The following SERPIND1 variants were observed in gnomAD, a reference collection of about 807,000 sequenced individuals.
SERPIND1 encodes heparin cofactor 2.
Under a neutral mutation model 35.0 loss-of-function variants are expected in SERPIND1, and 34 were observed. The ratio of observed to expected loss-of-function variants is 0.97; its 90% confidence interval spans 0.74 to 1.29. The LOEUF (loss-of-function observed/expected upper bound fraction) is 1.29. Ranked by LOEUF, SERPIND1 falls within the 50% of genes most tolerant of loss-of-function variation. The pLI is 0.00. For synonymous variants in SERPIND1, 236 were observed against 241.1 expected, an observed-to-expected ratio of 0.98 and a Z score of 0.19; for missense variants, 633 against 637.7, an observed-to-expected ratio of 0.99 and a Z score of 0.08.
intron 4 of SERPIND1, 37 bp from the exon 5 acceptor site, chr22:20,786,838 T>C (rs745529379): frequency 1.2e-6 from 2 of 1,605,260 alleles, no homozygotes; most frequent in African/African-American, 2.7e-5. Flanking sequence ...CTCTGTGTGC[T>C]GACCTCCAGA....
intron 4 of SERPIND1, 89 bp downstream of exon 4, chr22:20,786,237 A>T: frequency 7.1e-7 from 1 of 1,411,306 alleles, no homozygotes; most frequent in Non-Finnish European, 1.0e-6. Flanking sequence ...CCCACCCCCC[A>T]ATCTCATGTC....
chr22:20,780,804 T>G (rs2147488406), intron 2 of SERPIND1, among the ~76,000 whole-genome samples: 1 of 104,856 alleles, frequency 9.5e-6, no homozygotes, highest in Non-Finnish European at 2.0e-5. Context: ...AGTAAAACGA[T>G]GCTCCAAGGG....
rs777742664 is a variant in SERPIND1 at position 20,784,072 on chromosome 22, G to A, written c.990G>A (p.Gly330=). The A allele has an allele frequency of 1.2e-6, 2 of 1,614,150 alleles. No homozygotes were observed. The highest frequency in any genetic ancestry group is 1.7e-6 in the Non-Finnish European group (2 of 1,180,036). The change falls in exon 3 of 5, where the codon GGG becomes GGA. Residue 330 remains glycine, a synonymous_variant. Transcript: ENST00000215727. ...VVKVSMMQTK[G]NFLAANDQEL... ...AGGTTTCCATGATGCAGACCAAGGG[G>A]AACTTCCTCGCAGCAAATGACCAGG...
At chr22:20,782,160 C>G (rs911735653) in intron 2 of SERPIND1, among the ~76,000 whole-genome samples, 3 of 152,162 alleles carry the variant, frequency 2.0e-5, no homozygotes, top group Non-Finnish European at 4.4e-5. Context: ...TTGGAGCCCC[C>G]CAAGTACACC....
In SERPIND1 at chr22:20,779,764, T is replaced by C; in HGVS notation, c.452T>C (p.Ile151Thr). Reference sequence around the variant, plus strand: ...GACCAGGTCAACACTTTCGATAACATCTTCATAGCACCCGTTGGCATTTCT... The same window carrying C: ...GACCAGGTCAACACTTTCGATAACACCTTCATAGCACCCGTTGGCATTTCT... ...LKDQVNTFDN[I>T]FIAPVGISTA... The change falls in exon 2 of 5, where the codon ATC becomes ACC. Residue 151 changes from isoleucine (I) to threonine (T), a missense_variant. Transcript: ENST00000215727. 6.2e-7 allele frequency: 1 copy of C among 1,614,178 alleles called. No homozygotes were observed. Among genetic ancestry groups the C allele is most frequent in the Non-Finnish European group, 8.5e-7 (1 of 1,180,030 alleles).
In SERPIND1 at chr22:20,780,166, C is replaced by T. The variant is rs1247785389; in HGVS notation, c.854C>T (p.Thr285Ile). 6.2e-7 allele frequency: 1 copy of T among 1,614,108 alleles called. No individual in the cohort carries two copies. The highest frequency in any genetic ancestry group is 8.5e-7 in the Non-Finnish European group (1 of 1,180,044). The change falls in exon 2 of 5, where the codon ACC becomes ATC. Residue 285 changes from threonine to isoleucine, a missense_variant. Transcript: ENST00000215727. ...GCTCTGGAGAATATAGACCCTGCTA[C>T]CCAGATGATGATTCTCAACTGCATC... ...KDALENIDPA[T>I]QMMILNCIYF...
At chr22:20,784,393 C>G in intron 3 of SERPIND1, 148 bp downstream of exon 3, 1 of 1,114,930 alleles carries the variant, frequency 9.0e-7, no homozygotes, top group Middle Eastern at 2.9e-4. Flanking sequence ...TAATTCAGCC[C>G]CAATTTGTTG....
intron 3 of SERPIND1, among the ~76,000 whole-genome samples, chr22:20,784,771 A>G (rs889309195): frequency 1.3e-5 from 2 of 152,160 alleles, no homozygotes; most frequent in African/African-American, 4.8e-5. Flanking sequence ...TGCAGGTGTT[A>G]AGTACTTATT....
chr22:20,785,426 G>C (rs1181122759), intron 3 of SERPIND1, among the ~76,000 whole-genome samples: 1 of 152,216 alleles, frequency 6.6e-6, no homozygotes, highest in African/African-American at 2.4e-5. Context: ...AGGTAAAAGA[G>C]TGAAGAAGAT....
At chr22:20,781,644 T>C (rs1370234550) in intron 2 of SERPIND1, among the ~76,000 whole-genome samples, 1 of 152,250 alleles carries the variant, frequency 6.6e-6, no homozygotes, top group African/African-American at 2.4e-5. Context: ...CCCCAAGGCA[T>C]GGCACAATGC....
chr22:20,774,869 A>AACACACACGTACGT (rs1175081830), intron 1 of SERPIND1, among the ~76,000 whole-genome samples: 1 of 152,184 alleles, frequency 6.6e-6, no homozygotes, highest in Non-Finnish European at 1.5e-5. Context: ...TGCCTGTGAG[A>AACACACACGTACGT]ACACACACGT....
chr22:20,775,007 T>C (rs178030), intron 1 of SERPIND1, among the ~76,000 whole-genome samples: 57,734 of 151,850 alleles, frequency 0.38, 11,475 homozygotes, highest in African/African-American at 0.48. Flanking sequence ...AGTTTGAACT[T>C]ACTTCAAAAT....
chr22:20,781,906 G>T (rs1933829732), intron 2 of SERPIND1, among the ~76,000 whole-genome samples: 1 of 152,192 alleles, frequency 6.6e-6, no homozygotes, highest in South Asian at 2.1e-4. Context: ...CACCCACTCT[G>T]ACAGGGCCGA....
intron 2 of SERPIND1, among the ~76,000 whole-genome samples, chr22:20,781,284 T>C (rs1000027408): frequency 2.0e-5 from 3 of 152,146 alleles, no homozygotes; most frequent in African/African-American, 7.2e-5. Context: ...TACTTTACTC[T>C]CTAAGCTGAG....
In SERPIND1 at chr22:20,779,960, C is replaced by T; in HGVS notation, c.648C>T (p.Tyr216=). ...THRLFRRNFG[Y]TLRSVNDLYI... ...GCCTCTTCAGGAGGAATTTTGGGTA[C>T]ACACTGCGGTCAGTCAATGACCTTT... Residue 216 remains tyrosine, a synonymous_variant, in exon 2 of 5, where the codon TAC becomes TAT. Coordinates refer to ENST00000215727, the MANE Select transcript of SERPIND1 (RefSeq NM_000185.4). 2 of 1,614,190 alleles carry T rather than the reference C, an allele frequency of 1.2e-6. No individual in the cohort carries two copies. Among genetic ancestry groups the T allele is most frequent in the African/African-American group, 2.7e-5 (2 of 75,044 alleles).
At position 20,784,254 on chromosome 22, in the gene SERPIND1, C is replaced by G. The variant is rs1275770011; in HGVS notation, c.1163+9C>G. On this transcript the variant is annotated intron_variant, in intron 3 of 4. Coordinates refer to ENST00000215727, the MANE Select transcript of SERPIND1 (RefSeq NM_000185.4). ...AAAAGCATGACAAACAGGTATTTCA[C>G]ACTGTGTGTTTGTTCTTTTGAGCTC... 1 of 1,613,940 alleles carries G rather than the reference C, an allele frequency of 6.2e-7. No individual in the cohort carries two copies. The highest frequency in any genetic ancestry group is 8.5e-7 in the Non-Finnish European group (1 of 1,179,968).
In SERPIND1 at chr22:20,779,838, C is replaced by G. The variant is rs371947168; in HGVS notation, c.526C>G (p.Gln176Glu). The change falls in exon 2 of 5, where the codon CAA (glutamine) becomes GAA (glutamate). Residue 176 changes from glutamine to glutamate, a missense_variant. Gln to Glu is a conservative substitution (Grantham distance 29). Coordinates refer to ENST00000215727, the MANE Select transcript of SERPIND1 (RefSeq NM_000185.4). Reference sequence around the variant, plus strand: ...AGGTCTGAAGGGAGAGACCCATGAACAAGTGCACTCGATTTTGCATTTTAA... The same window carrying G: ...AGGTCTGAAGGGAGAGACCCATGAAGAAGTGCACTCGATTTTGCATTTTAA... The part of the protein sequence containing the change: ...SLGLKGETHE[Q>E]VHSILHFKDF... 9.9e-6 allele frequency: 16 copies of G among 1,614,096 alleles called. No homozygotes were observed. In the African/African-American group the frequency reaches 1.6e-4, roughly 16 times the overall value.
At position 20,786,123 on chromosome 22, in the gene SERPIND1, C is replaced by A. The variant is rs749834105; in HGVS notation, c.1283C>A (p.Ser428Ter). ...FDKNGNMAGI[S>*]DQRIAIDLFK... The stretch of plus-strand genomic sequence containing the variant: ...AAAAATGGCAACATGGCAGGCATCT[C>A]AGACCAAAGGATCGCCATCGACCTG... The change falls in exon 4 of 5, where the codon TCA becomes TAA. Residue 428 changes from serine (S) to a stop codon, truncating the protein, a stop_gained. Coordinates refer to ENST00000215727, the MANE Select transcript of SERPIND1 (RefSeq NM_000185.4). LOFTEE classifies it high-confidence loss of function. The A allele has an allele frequency of 6.2e-6, 10 of 1,614,036 alleles. No individual in the cohort carries two copies. Among genetic ancestry groups the A allele is most frequent in the Non-Finnish European group, 8.5e-6 (10 of 1,180,038 alleles).
rs748308341 is a variant in SERPIND1 at position 20,783,995 on chromosome 22, G to A, written c.913G>A (p.Val305Met). The part of the protein sequence containing the change: ...FKGSWVNKFP[V>M]EMTHNHNFRL... ...AGGATCCTGGGTGAATAAATTCCCAGTGGAAATGACACACAACCACAACTT... is the reference window on the plus strand; with the variant it reads ...AGGATCCTGGGTGAATAAATTCCCAATGGAAATGACACACAACCACAACTT... Residue 305 changes from valine (V) to methionine (M), a missense_variant, in exon 3 of 5, where the codon GTG becomes ATG. Coordinates refer to ENST00000215727, the MANE Select transcript of SERPIND1 (RefSeq NM_000185.4). 2 of 1,614,216 alleles carry A rather than the reference G, an allele frequency of 1.2e-6. No homozygotes were observed. Among genetic ancestry groups the A allele is most frequent in the Non-Finnish European group, 8.5e-7 (1 of 1,180,040 alleles).
Sources: allele counts gnomAD v4.1 joint callset (sites outside exome capture counted in the v4.1 genomes callset), GRCh38; gene constraint gnomAD v4.1.1; transcripts MANE v1.5; gene names NCBI Gene and HGNC (gene_info 2026-07-23, HGNC 2026-07-21).